Variants in THSD4 observed in about 807,000 individuals in gnomAD.
The protein encoded by THSD4 is thrombospondin type-1 domain-containing protein 4.
A neutral mutation model predicts 119.0 loss-of-function variants in THSD4; 69 were observed. That is an observed-to-expected ratio of 0.58 (90% CI 0.48 to 0.71). The LOEUF is 0.71. Among genes scored for constraint, THSD4 ranks in the 30% least tolerant of loss-of-function variants. The pLI, the probability that THSD4 is intolerant of heterozygous loss-of-function variation, is 0.00. For synonymous variants in THSD4, 524 were observed against 540.4 expected (o/e 0.97, Z 0.42); for missense variants, 1,393 against 1,391.1 (o/e 1.00, Z -0.02).
chr15:71,515,369 G>A (rs1325533831), intron 7 of THSD4, among the ~76,000 whole-genome samples: 1 of 152,202 alleles, frequency 6.6e-6, no homozygotes, highest in Non-Finnish European at 1.5e-5. Context: ...TTGAAAACAT[G>A]ATTGATGTTT....
At chr15:71,566,131 CTT>C (rs2049232099) in intron 7 of THSD4, among the ~76,000 whole-genome samples, 1 of 143,710 alleles carries the variant, frequency 7.0e-6, no homozygotes, top group Admixed American at 7.5e-5. Flanking sequence ...TCTTTTCTTT[CTT>C]TCTTTTTTCT....
At chr15:71,711,097 A>G (rs534714921) in intron 8 of THSD4, among the ~76,000 whole-genome samples, 35 of 145,858 alleles carry the variant, frequency 2.4e-4, no homozygotes, top group African/African-American at 8.3e-4. Context: ...ATATATATAC[A>G]TATATATATA....
intron 6 of THSD4, among the ~76,000 whole-genome samples, chr15:71,278,261 T>C (rs2044613833): frequency 6.6e-6 from 1 of 152,184 alleles, no homozygotes; most frequent in Non-Finnish European, 1.5e-5. Context: ...AGTGGCATGA[T>C]CATGGCTCAT....
rs759402559 is a variant in THSD4 at position 71,660,650 on chromosome 15, C to T, written c.1273C>T (p.Leu425=). The change falls in exon 8 of 18, where the codon CTG becomes TTG. Residue 425 remains leucine, a synonymous_variant. Coordinates refer to ENST00000261862, the MANE Select transcript of THSD4 (RefSeq NM_024817.3). ...SGVFKHALTS[L]GYHRVVEIPE... is the part of the protein sequence containing the mutation. ...CGTGTTTAAGCATGCCCTCACCAGC[C>T]TGGGCTACCACCGCGTCGTGGAGAT... The T allele has an allele frequency of 6.2e-7, 1 of 1,614,152 alleles. No individual in the cohort carries two copies. Among genetic ancestry groups the T allele is most frequent in the Non-Finnish European group, 8.5e-7 (1 of 1,180,028 alleles).
chr15:71,528,530 G>GA (rs1311590858), intron 7 of THSD4, among the ~76,000 whole-genome samples: 2 of 152,112 alleles, frequency 1.3e-5, no homozygotes, highest in African/African-American at 4.8e-5. Flanking sequence ...TCCTCATCTG[G>GA]AAAATGGAAA....
chr15:71,301,621 G>A (rs1312726369), intron 6 of THSD4, among the ~76,000 whole-genome samples: 1 of 152,080 alleles, frequency 6.6e-6, no homozygotes, highest in African/African-American at 2.4e-5. Flanking sequence ...GCTGTTCTGG[G>A]CTGTCCTTTC....
intron 6 of THSD4, among the ~76,000 whole-genome samples, chr15:71,271,339 A>G (rs1412364518): frequency 6.6e-6 from 1 of 152,238 alleles, no homozygotes. Context: ...ATGAATCTCA[A>G]AAACTTTATG....
rs575649328 is a variant in THSD4 at position 71,193,336 on chromosome 15, T to C, written c.100-21699T>C. Among the ~76,000 whole-genome samples the C allele has an allele frequency of 4.3e-4, 65 of 152,264 alleles. No homozygotes were observed. In the South Asian group the frequency reaches 6.9e-3, roughly 16 times the overall value. On this transcript the variant is annotated intron_variant, in intron 3 of 17. Transcript: ENST00000261862. ...GCCATACGGAACTAGGAGCATAATTTTCACAAGCACTTAAACTTGAACAGA... is the reference window on the plus strand; with the variant it reads ...GCCATACGGAACTAGGAGCATAATTCTCACAAGCACTTAAACTTGAACAGA...
intron 7 of THSD4, among the ~76,000 whole-genome samples, chr15:71,581,239 G>A (rs1210531716): frequency 6.6e-6 from 1 of 152,138 alleles, no homozygotes; most frequent in South Asian, 2.1e-4. Flanking sequence ...TTGTCTTTTG[G>A]CAGTAGTTAT....
chr15:71,311,721 G>A (rs575716024), intron 6 of THSD4, among the ~76,000 whole-genome samples: 1 of 152,218 alleles, frequency 6.6e-6, no homozygotes, highest in Non-Finnish European at 1.5e-5. Flanking sequence ...TGGGTAAATG[G>A]CACCACCATC....
At chr15:71,320,980 C>T (rs1246596676) in intron 6 of THSD4, among the ~76,000 whole-genome samples, 1 of 152,010 alleles carries the variant, frequency 6.6e-6, no homozygotes, top group Non-Finnish European at 1.5e-5. Context: ...TTCCATATTC[C>T]ATGGCAAGAT....
At chr15:71,318,132 G>T (rs1391983023) in intron 6 of THSD4, among the ~76,000 whole-genome samples, 1 of 152,084 alleles carries the variant, frequency 6.6e-6, no homozygotes, top group African/African-American at 2.4e-5. Flanking sequence ...AATCTGCTTG[G>T]TCCGCCTTTG....
rs149137919 is a variant in THSD4 at position 71,449,097 on chromosome 15, C to A, written c.1152+37274C>A. ...TGACCAGCGGGCGACCTGGTCACTG[C>A]CCCAGAGGGTCAAGGGAAACCTATT... On this transcript the variant is annotated intron_variant, in intron 7 of 17. Transcript: ENST00000261862. Among the ~76,000 whole-genome samples the A allele has an allele frequency of 2.7e-4, 41 of 152,290 alleles. No individual in the cohort carries two copies. In the East Asian group the frequency reaches 7.3e-3, roughly 27 times the overall value.
intron 4 of THSD4, among the ~76,000 whole-genome samples, chr15:71,225,660 G>A (rs1325454341): frequency 6.9e-6 from 1 of 145,210 alleles, no homozygotes; most frequent in Non-Finnish European, 1.5e-5. Flanking sequence ...TGATTCTCCT[G>A]CCCCAGCCTA....
intron 3 of THSD4, among the ~76,000 whole-genome samples, chr15:71,190,798 G>A (rs1471206606): frequency 6.6e-6 from 1 of 151,932 alleles, no homozygotes; most frequent in Non-Finnish European, 1.5e-5. Flanking sequence ...CACTCCCCTC[G>A]CTTTCTTACC....
chr15:71,483,217 C>T (rs1055695974), intron 7 of THSD4, among the ~76,000 whole-genome samples: 11 of 152,238 alleles, frequency 7.2e-5, no homozygotes, highest in South Asian at 4.2e-4. Flanking sequence ...ACTACAGGCT[C>T]GAGTCCCTCA....
At chr15:71,462,991 G>A (rs762230669) in intron 7 of THSD4, among the ~76,000 whole-genome samples, 1 of 152,174 alleles carries the variant, frequency 6.6e-6, no homozygotes. Flanking sequence ...CTTTTTTGCA[G>A]CCATGTGAAA....
chr15:71,730,965 A>T, intron 9 of THSD4, 156 bp from the exon 10 acceptor site: 1 of 638,744 alleles, frequency 1.6e-6, no homozygotes, highest in East Asian at 2.8e-5. Context: ...TCCAGGAATA[A>T]CTTTGTTTAA....
chr15:71,430,759 GAAAAAAA>G (rs397719477), intron 7 of THSD4, among the ~76,000 whole-genome samples: 35 of 82,958 alleles, frequency 4.2e-4, no homozygotes, highest in East Asian at 2.1e-3. Flanking sequence ...TCTGTCTCAA[GAAAAAAA>G]AAAAAAAAAA....
Sources: gnomAD v4.1 joint callset for allele counts (sites outside exome capture counted in the v4.1 genomes callset) on GRCh38, gnomAD v4.1.1 for gene constraint, MANE v1.5 for transcripts, NCBI Gene and HGNC (gene_info 2026-07-23, HGNC 2026-07-21) for gene names.